The following PDE4B variants were observed in gnomAD, a reference collection of about 807,000 sequenced individuals.
PDE4B encodes phosphodiesterase 4B.
A neutral mutation model predicts 82.2 loss-of-function variants in PDE4B; 20 were observed. The observed-to-expected ratio is 0.24, with a 90% CI of 0.17 to 0.35. The LOEUF (loss-of-function observed/expected upper bound fraction) is 0.35, where lower values mean the gene tolerates loss of function less well. Ranked by LOEUF, PDE4B falls within the 10% of genes least tolerant of loss-of-function variation. The probability of loss-of-function intolerance (pLI) is 1.00; values close to 1 mark genes in which losing one functional copy is unlikely to be tolerated. For synonymous variants in PDE4B, 320 were observed against 318.9 expected, an observed-to-expected ratio of 1.00 and a Z score of -0.04; for missense variants, 655 against 907.2, an observed-to-expected ratio of 0.72 and a Z score of 3.57.
intron 3 of PDE4B, among the ~76,000 whole-genome samples, chr1:66,093,068 T>G (rs558527584): frequency 6.6e-6 from 1 of 152,174 alleles, no homozygotes; most frequent in South Asian, 2.1e-4. Context: ...AATTCTGAAG[T>G]TACTGAAATA....
intron 3 of PDE4B, among the ~76,000 whole-genome samples, chr1:66,085,974 C>T (rs183466498): frequency 4.8e-4 from 73 of 152,146 alleles, no homozygotes; most frequent in South Asian, 1.0e-3. Flanking sequence ...TTGGGGAAAA[C>T]GTTTGAACCA....
At chr1:65,909,654 A>G (rs1056120197) in intron 1 of PDE4B, among the ~76,000 whole-genome samples, 1 of 152,232 alleles carries the variant, frequency 6.6e-6, no homozygotes, top group Non-Finnish European at 1.5e-5. Context: ...GGAATCTGTC[A>G]TCACATTTGT....
At chr1:65,875,116 C>A (rs1646624127) in intron 1 of PDE4B, among the ~76,000 whole-genome samples, 1 of 152,014 alleles carries the variant, frequency 6.6e-6, no homozygotes, top group African/African-American at 2.4e-5. Context: ...AAAAAACAAA[C>A]AACCCCATCA....
At chr1:65,970,236 TAAG>T (rs1304828311) in intron 3 of PDE4B, among the ~76,000 whole-genome samples, 1 of 151,466 alleles carries the variant, frequency 6.6e-6, no homozygotes, top group African/African-American at 2.4e-5. Flanking sequence ...TTTTTCTAAG[TAAG>T]TTTGTTGTGC....
At chr1:65,894,725 CA>C (rs1297918533) in intron 1 of PDE4B, among the ~76,000 whole-genome samples, 1 of 151,952 alleles carries the variant, frequency 6.6e-6, no homozygotes, top group Admixed American at 6.6e-5. Context: ...CATCATTTCA[CA>C]AAAGAAAATA....
intron 1 of PDE4B, among the ~76,000 whole-genome samples, chr1:65,829,596 G>A (rs919373069): frequency 6.6e-6 from 1 of 152,102 alleles, no homozygotes; most frequent in African/African-American, 2.4e-5. Flanking sequence ...GTTATACTAA[G>A]TTGGTTCTTG....
At chr1:66,156,761 G>C (rs1490892542) in intron 3 of PDE4B, among the ~76,000 whole-genome samples, 2 of 152,106 alleles carry the variant, frequency 1.3e-5, no homozygotes, top group Non-Finnish European at 2.9e-5. Context: ...AGGTCATTAG[G>C]AATGCCCATC....
At chr1:66,325,543 G>A (rs74853008) in intron 7 of PDE4B, among the ~76,000 whole-genome samples, 2,243 of 152,276 alleles carry the variant, frequency 0.015, 20 homozygotes, top group Non-Finnish European at 0.024. Context: ...GACCTGGTAT[G>A]TCAGTTAGAA....
intron 3 of PDE4B, among the ~76,000 whole-genome samples, chr1:66,194,635 T>C (rs1378573753): frequency 6.6e-6 from 1 of 152,170 alleles, no homozygotes; most frequent in Non-Finnish European, 1.5e-5. Context: ...TCCAATTTCG[T>C]ACTCCATGTA....
At chr1:66,117,717 G>T (rs1467105181) in intron 3 of PDE4B, among the ~76,000 whole-genome samples, 1 of 152,116 alleles carries the variant, frequency 6.6e-6, no homozygotes, top group Non-Finnish European at 1.5e-5. Context: ...TAAAATATTA[G>T]AGCTGAGTGG....
At chr1:66,308,141 GC>G (rs777385153) in intron 7 of PDE4B, among the ~76,000 whole-genome samples, 27 of 152,118 alleles carry the variant, frequency 1.8e-4, no homozygotes, top group Non-Finnish European at 3.5e-4. Flanking sequence ...CCTTGCCGTT[GC>G]CTCCAGTAGC....
At chr1:65,964,420 A>G (rs1349615942) in intron 3 of PDE4B, among the ~76,000 whole-genome samples, 1 of 152,250 alleles carries the variant, frequency 6.6e-6, no homozygotes, top group African/African-American at 2.4e-5. Flanking sequence ...ATTAGTATCA[A>G]GAAGGTCAAG....
At chr1:65,897,073 C>G (rs1646918817) in intron 1 of PDE4B, among the ~76,000 whole-genome samples, 2 of 152,168 alleles carry the variant, frequency 1.3e-5, no homozygotes, top group South Asian at 4.1e-4. Flanking sequence ...CCAGGCATCA[C>G]TCACTGTTTC....
intron 8 of PDE4B, among the ~76,000 whole-genome samples, chr1:66,350,979 A>G (rs1458698503): frequency 6.6e-6 from 1 of 152,246 alleles, no homozygotes; most frequent in Non-Finnish European, 1.5e-5. Context: ...ACTTATTCCA[A>G]AAATCAGACA....
rs1219225621 is a variant in PDE4B, at chr1:66,057,404, T to C, written c.281+138569T>C. ...GATAAGGGCCTCTTTCTTTCTTGGTTTGCAGTTAGCACTGTTCCAACAGTA... is the reference window on the plus strand; with the variant it reads ...GATAAGGGCCTCTTTCTTTCTTGGTCTGCAGTTAGCACTGTTCCAACAGTA... On this transcript the variant is annotated intron_variant, in intron 3 of 16. Coordinates refer to ENST00000341517, the MANE Select transcript of PDE4B (RefSeq NM_002600.4). Among the ~76,000 whole-genome samples, 30 of 152,220 alleles carry C rather than the reference T, an allele frequency of 2.0e-4. 1 individual carries two copies. The highest frequency in any genetic ancestry group is 2.0e-3 in the Admixed American group (30 of 15,276).
At chr1:66,238,377 A>C (rs954700590) in intron 3 of PDE4B, among the ~76,000 whole-genome samples, 4 of 152,116 alleles carry the variant, frequency 2.6e-5, no homozygotes, top group Admixed American at 2.6e-4. Flanking sequence ...ATTATGTGAA[A>C]ATTTGTGATC....
chr1:66,048,530 A>G (rs1051184977), intron 3 of PDE4B, among the ~76,000 whole-genome samples: 5 of 151,960 alleles, frequency 3.3e-5, no homozygotes, highest in African/African-American at 9.7e-5. Flanking sequence ...CATGCTAAAC[A>G]TGATTTACAC....
chr1:65,867,700 C>G (rs1356790641), intron 1 of PDE4B, among the ~76,000 whole-genome samples: 1 of 152,210 alleles, frequency 6.6e-6, no homozygotes, highest in African/African-American at 2.4e-5. Flanking sequence ...ATAAATCTGA[C>G]TTGTGATTCC....
At chr1:65,933,468 G>A (rs866573570) in intron 3 of PDE4B, among the ~76,000 whole-genome samples, 42 of 152,090 alleles carry the variant, frequency 2.8e-4, no homozygotes, top group East Asian at 7.7e-4. Flanking sequence ...CACGGCGGGC[G>A]GATCACTTGA....
Sources: allele counts gnomAD v4.1 joint callset (sites outside exome capture counted in the v4.1 genomes callset), GRCh38; gene constraint gnomAD v4.1.1; transcripts MANE v1.5; gene names NCBI Gene and HGNC (gene_info 2026-07-23, HGNC 2026-07-21).